The following DPP10 variants were observed in gnomAD, a reference collection of about 807,000 sequenced individuals.
DPP10 encodes inactive dipeptidyl peptidase 10.
In DPP10, 33 loss-of-function variants were observed where a neutral mutation model predicts 120.9. The ratio of observed to expected loss-of-function variants is 0.27; its 90% confidence interval spans 0.21 to 0.37. The LOEUF (loss-of-function observed/expected upper bound fraction) is 0.37. Among genes scored for constraint, DPP10 ranks in the 10% least tolerant of loss-of-function variants. The probability of loss-of-function intolerance (pLI) is 1.00; values close to 1 mark genes in which losing one functional copy is unlikely to be tolerated. For synonymous variants in DPP10, 337 were observed against 326.1 expected (o/e 1.03, Z -0.36); for missense variants, 816 against 942.8 (o/e 0.87, Z 1.76).
chr2:115,003,516 T>A (rs796617130), intron 1 of DPP10, among the ~76,000 whole-genome samples: 8 of 151,612 alleles, frequency 5.3e-5, no homozygotes, highest in African/African-American at 1.7e-4. Flanking sequence ...AAATCTAAAA[T>A]AAAAGTCCAA....
At chr2:114,836,434 GATGCCCCAC>G (rs2106429826) in intron 1 of DPP10, among the ~76,000 whole-genome samples, 1 of 152,212 alleles carries the variant, frequency 6.6e-6, no homozygotes, top group African/African-American at 2.4e-5. Flanking sequence ...GAGGTTCTGT[GATGCCCCAC>G]AAGCCGCAAA....
In DPP10 at chr2:114,446,402, C is replaced by T. The variant is rs374624892; in HGVS notation, c.60+3564C>T. Among the ~76,000 whole-genome samples the T allele has an allele frequency of 9.2e-5, 14 of 152,182 alleles. No homozygotes were observed. The East Asian group carries it at 2.7e-3, about 29-fold the overall frequency. ...TTTTGAAGTTATAAATTGTGAGTAACTTATCTGGGGTGGTGATTCCTGGAT... is the reference window on the plus strand; with the variant it reads ...TTTTGAAGTTATAAATTGTGAGTAATTTATCTGGGGTGGTGATTCCTGGAT... On this transcript the variant is annotated intron_variant, in intron 1 of 25. Transcript: ENST00000410059.
At chr2:114,664,444 C>T (rs995317846) in intron 1 of DPP10, among the ~76,000 whole-genome samples, 2 of 151,776 alleles carry the variant, frequency 1.3e-5, no homozygotes, top group Admixed American at 6.6e-5. Context: ...GCCTGACCAA[C>T]ATGGTGAAAC....
At chr2:115,049,787 T>A (rs973285599) in intron 1 of DPP10, among the ~76,000 whole-genome samples, 5 of 152,192 alleles carry the variant, frequency 3.3e-5, no homozygotes, top group Admixed American at 2.0e-4. Context: ...GTTCTCATGG[T>A]TCCCTTTTCT....
In DPP10 at chr2:115,063,826, A is replaced by G. The variant is rs144364263; in HGVS notation, c.61-245413A>G. On this transcript the variant is annotated intron_variant, in intron 1 of 25. Transcript: ENST00000410059. ...ACTATAAAAACCTAGAGGAAAACCTAGGCAATACCATTCAGGACATAGACA... is the reference window on the plus strand; with the variant it reads ...ACTATAAAAACCTAGAGGAAAACCTGGGCAATACCATTCAGGACATAGACA... Among the ~76,000 whole-genome samples the G allele has an allele frequency of 3.1e-3, 478 of 152,336 alleles. 3 individuals carry two copies. The highest frequency in any genetic ancestry group is 0.011 in the African/African-American group (462 of 41,580).
chr2:114,980,174 T>A (rs1449944943), intron 1 of DPP10, among the ~76,000 whole-genome samples: 5 of 152,180 alleles, frequency 3.3e-5, no homozygotes, highest in Non-Finnish European at 7.4e-5. Context: ...GATATGTATA[T>A]ACATTGTGAA....
At chr2:115,770,473 A>C (rs1681329304) in intron 13 of DPP10, among the ~76,000 whole-genome samples, 2 of 152,040 alleles carry the variant, frequency 1.3e-5, no homozygotes, top group Non-Finnish European at 2.9e-5. Flanking sequence ...TGTTTAGGTA[A>C]TTTGTGGTTT....
chr2:114,977,580 A>G (rs1329462108), intron 1 of DPP10, among the ~76,000 whole-genome samples: 1 of 152,132 alleles, frequency 6.6e-6, no homozygotes, highest in Non-Finnish European at 1.5e-5. Context: ...CTAGACAGGT[A>G]GGGGTTCTGC....
intron 5 of DPP10, among the ~76,000 whole-genome samples, chr2:115,649,222 A>G (rs1340747164): frequency 6.6e-6 from 1 of 152,092 alleles, no homozygotes; most frequent in South Asian, 2.1e-4. Flanking sequence ...CCTGGGCCAA[A>G]TGTTCTATGT....
In DPP10 at chr2:115,411,041, C is replaced by T. The variant is rs150511592; in HGVS notation, c.271+67129C>T. On this transcript the variant is annotated intron_variant, in intron 3 of 25. Coordinates refer to ENST00000410059, the MANE Select transcript of DPP10 (RefSeq NM_020868.6). ...AATAAATATACATAGAAAAGACTTA[C>T]TTTAGGGGCTGGGCGCAGTAGCTCA... Among the ~76,000 whole-genome samples the T allele has an allele frequency of 5.7e-3, 873 of 152,100 alleles. 8 individuals are homozygous for T. The highest frequency in any genetic ancestry group is 0.017 in the Middle Eastern group (5 of 294).
chr2:115,120,768 A>C (rs1484054224), intron 1 of DPP10, among the ~76,000 whole-genome samples: 4 of 152,242 alleles, frequency 2.6e-5, no homozygotes, highest in Non-Finnish European at 5.9e-5. Context: ...TGTCCTAAAC[A>C]TCCCTCTTTG....
At chr2:115,365,858 G>T (rs532368270) in intron 3 of DPP10, among the ~76,000 whole-genome samples, 74 of 152,012 alleles carry the variant, frequency 4.9e-4, no homozygotes, top group African/African-American at 1.4e-3. Flanking sequence ...TGAATCCTGG[G>T]ATGACTATGG....
At chr2:115,244,871 G>T (rs1004014719) in intron 1 of DPP10, among the ~76,000 whole-genome samples, 1 of 149,578 alleles carries the variant, frequency 6.7e-6, no homozygotes, top group Non-Finnish European at 1.5e-5. Flanking sequence ...TCATTAGTTT[G>T]GGGGAACAGG....
chr2:114,491,713 C>T (rs1372631298), intron 1 of DPP10, among the ~76,000 whole-genome samples: 7 of 152,168 alleles, frequency 4.6e-5, no homozygotes. Context: ...AAAATACATG[C>T]TCTCAAGATG....
chr2:114,521,251 G>GACACACACACAC (rs60539029), intron 1 of DPP10, among the ~76,000 whole-genome samples: 4,731 of 144,528 alleles, frequency 0.033, 205 homozygotes, highest in Admixed American at 0.11. Flanking sequence ...CACATGCACA[G>GACACACACACAC]ACACACACAC....
intron 21 of DPP10, among the ~76,000 whole-genome samples, chr2:115,822,748 T>C (rs1023027659): frequency 6.6e-6 from 1 of 152,004 alleles, no homozygotes; most frequent in African/African-American, 2.4e-5. Context: ...AATATTGTCA[T>C]AACTTCTCAT....
chr2:115,162,309 C>A (rs2052461515), intron 1 of DPP10: 1 of 1,493,378 alleles, frequency 6.7e-7, no homozygotes. Context: ...CCCCGGCGGG[C>A]GGCCCACCGA....
chr2:115,379,663 C>G (rs1477626307), intron 3 of DPP10, among the ~76,000 whole-genome samples: 4 of 152,060 alleles, frequency 2.6e-5, no homozygotes, highest in South Asian at 2.1e-4. Flanking sequence ...AATTTTGGAT[C>G]TTTCCTGCTT....
intron 1 of DPP10, among the ~76,000 whole-genome samples, chr2:115,058,521 T>C (rs1706128155): frequency 6.6e-6 from 1 of 152,168 alleles, no homozygotes; most frequent in Admixed American, 6.5e-5. Context: ...TGCCTCAGCC[T>C]CCTGAGTCGC....
Sources: gnomAD v4.1 joint callset for allele counts (sites outside exome capture counted in the v4.1 genomes callset) on GRCh38, gnomAD v4.1.1 for gene constraint, MANE v1.5 for transcripts, NCBI Gene and HGNC (gene_info 2026-07-23, HGNC 2026-07-21) for gene names.